SNX8: variants seen among roughly 807,000 people sequenced by gnomAD.
SNX8 encodes sorting nexin 8, also known as sorting nexin-8.
A neutral mutation model predicts 51.6 loss-of-function variants in SNX8; 25 were observed. The observed-to-expected ratio is 0.48, with a 90% CI of 0.35 to 0.68. The LOEUF (loss-of-function observed/expected upper bound fraction) is 0.68. Among genes scored for constraint, SNX8 ranks in the 30% least tolerant of loss-of-function variants. SNX8 has a pLI of 0.00. For synonymous variants in SNX8, 324 were observed against 277.0 expected (o/e 1.17, Z -1.68); for missense variants, 695 against 624.0 (o/e 1.11, Z -1.21).
chr7:2,317,251 C>CTTTTTTTTT (rs780593342), upstream of SNX8, among the ~76,000 whole-genome samples: 12 of 43,118 alleles, frequency 2.8e-4, 2 homozygotes, highest in African/African-American at 4.7e-4. Context: ...CCTGGACCTT[C>CTTTTTTTTT]TTTTTTTTTT....
intron 1 of SNX8, among the ~76,000 whole-genome samples, chr7:2,324,372 C>T (rs992163289): frequency 1.3e-5 from 2 of 150,282 alleles, no homozygotes; most frequent in Non-Finnish European, 1.5e-5. Flanking sequence ...CTCACTACAA[C>T]CTCCACCTCC....
chr7:2,346,625 A>G (rs1489515023), intron 1 of SNX8, among the ~76,000 whole-genome samples: 2 of 149,202 alleles, frequency 1.3e-5, no homozygotes, highest in Admixed American at 6.8e-5. Flanking sequence ...GGGCACCTGT[A>G]GTCCCAGCTA....
chr7:2,324,175 T>G (rs1778587500), intron 1 of SNX8, among the ~76,000 whole-genome samples: 1 of 151,730 alleles, frequency 6.6e-6, no homozygotes, highest in South Asian at 2.1e-4. Context: ...CCGGGGGCAG[T>G]GGCTCACGTC....
At chr7:2,270,032 A>G (rs1204436409) in intron 4 of SNX8, among the ~76,000 whole-genome samples, 1 of 152,146 alleles carries the variant, frequency 6.6e-6, no homozygotes, top group Non-Finnish European at 1.5e-5. Flanking sequence ...GGTAGCTTCC[A>G]AAAACGCAAT....
chr7:2,325,126 C>G (rs555736062), intron 1 of SNX8, among the ~76,000 whole-genome samples: 78 of 152,206 alleles, frequency 5.1e-4, no homozygotes, highest in Non-Finnish European at 7.6e-4. Flanking sequence ...GCCACCATGC[C>G]TGGCCCACTG....
chr7:2,295,106 A>G (rs1005223250), intron 1 of SNX8, among the ~76,000 whole-genome samples: 8 of 152,112 alleles, frequency 5.3e-5, no homozygotes, highest in Admixed American at 5.2e-4. Flanking sequence ...GCAAGAATTC[A>G]AAACAGAAAA....
intron 1 of SNX8, among the ~76,000 whole-genome samples, chr7:2,339,586 G>T (rs1778886811): frequency 6.6e-6 from 1 of 152,044 alleles, no homozygotes; most frequent in South Asian, 2.1e-4. Context: ...AGTGACAATT[G>T]ACCCAAATTG....
intron 1 of SNX8, among the ~76,000 whole-genome samples, chr7:2,352,154 C>T (rs912614758): frequency 6.6e-6 from 1 of 151,916 alleles, no homozygotes. Context: ...GTAATGCATC[C>T]GCCCACCTTG....
intron 4 of SNX8, 37 bp downstream of exon 4, chr7:2,271,813 C>G (rs756017910): frequency 1.3e-6 from 2 of 1,569,192 alleles, no homozygotes; most frequent in Admixed American, 1.9e-5. Context: ...TCGGGGACTC[C>G]CCGGGGCCGG....
At chr7:2,296,712 C>T (rs1302394728) in intron 1 of SNX8, among the ~76,000 whole-genome samples, 4 of 151,792 alleles carry the variant, frequency 2.6e-5, no homozygotes, top group African/African-American at 9.7e-5. Flanking sequence ...GGGTGGATCA[C>T]CTGAGGTCAG....
intron 1 of SNX8, among the ~76,000 whole-genome samples, chr7:2,311,968 T>G (rs1562453215): frequency 1.3e-5 from 2 of 151,466 alleles, no homozygotes; most frequent in Non-Finnish European, 2.9e-5. Context: ...GCTATACCAC[T>G]TCACCCACCT....
rs1055963384 is a variant in SNX8, at chr7:2,314,403, C to G, written c.19G>C (p.Asp7His). Residue 7 changes from aspartate (D) to histidine (H), a missense_variant, in exon 1 of 11, where the codon GAC (aspartate) becomes CAC (histidine). Transcript: ENST00000222990. ...CCGACTGCAGCCGCGGGCAGCGGGT[C>G]CATCGCGCGGCCAGTCATGTGAGCC... MTGRAM[D>H]PLPAAAVGAA... 1.6e-6 allele frequency: 2 copies of G among 1,218,892 alleles called. No homozygotes were observed. Among genetic ancestry groups the G allele is most frequent in the African/African-American group, 3.1e-5 (2 of 63,776 alleles). The allele number at this position is 1,218,892 out of a possible 1,614,324, so 75.5% of individuals were successfully genotyped here. A position where few individuals can be genotyped will look rare whatever the true frequency, so the allele number is the denominator to read the frequency against.
chr7:2,272,783 C>T (rs962188695), intron 3 of SNX8, among the ~76,000 whole-genome samples: 1 of 152,156 alleles, frequency 6.6e-6, no homozygotes, highest in Non-Finnish European at 1.5e-5. Context: ...AAAGTAAAAG[C>T]ATATACTGAT....
At chr7:2,291,198 G>T (rs1004702634) in intron 1 of SNX8, among the ~76,000 whole-genome samples, 3 of 152,142 alleles carry the variant, frequency 2.0e-5, no homozygotes, top group African/African-American at 7.2e-5. Context: ...TGCTTCCAAA[G>T]CTGAGGCAGG....
intron 2 of SNX8, among the ~76,000 whole-genome samples, chr7:2,275,884 G>A (rs998851554): frequency 2.6e-5 from 4 of 151,854 alleles, no homozygotes; most frequent in African/African-American, 9.7e-5. Flanking sequence ...TGTAGTCCCA[G>A]CTACTCAGGA....
chr7:2,339,860 C>T lies in SNX8; in HGVS notation c.-66+14362G>A, dbSNP rs1310488806. 6.6e-5 allele frequency among the ~76,000 whole-genome samples: 10 copies of T among 152,130 alleles called. No individual in the cohort carries two copies. In the East Asian group the frequency reaches 9.7e-4, roughly 15 times the overall value. ...AAGAACAGAATAGAGAGCCCAGAAA[C>T]GGAACCATGTATTTTCTGCACGTGG... is the stretch of plus-strand genomic sequence containing the variant. On this transcript the variant is annotated intron_variant, in intron 1 of 5. Transcript: ENST00000435336.
intron 1 of SNX8, among the ~76,000 whole-genome samples, chr7:2,320,929 A>C (rs1350164327): frequency 2.0e-5 from 3 of 152,104 alleles, no homozygotes; most frequent in Non-Finnish European, 4.4e-5. Context: ...CTGAGGCAAG[A>C]GAATAGCTTG....
chr7:2,301,057 G>A (rs1177397491), intron 1 of SNX8, among the ~76,000 whole-genome samples: 1 of 152,168 alleles, frequency 6.6e-6, no homozygotes, highest in Non-Finnish European at 1.5e-5. Context: ...ATTACGTCCT[G>A]TTTCCTAACT....
At chr7:2,303,554 C>T (rs936003603) in intron 1 of SNX8, among the ~76,000 whole-genome samples, 1 of 152,162 alleles carries the variant, frequency 6.6e-6, no homozygotes, top group Non-Finnish European at 1.5e-5. Flanking sequence ...CGGATGGTTG[C>T]CGTGTCTGTG....
Sources: allele counts gnomAD v4.1 joint callset (sites outside exome capture counted in the v4.1 genomes callset), GRCh38; gene constraint gnomAD v4.1.1; transcripts MANE v1.5; gene names NCBI Gene and HGNC (gene_info 2026-07-23, HGNC 2026-07-21).